HDAC11: variants seen among roughly 807,000 people sequenced by gnomAD.
HDAC11 encodes the protein histone deacetylase 11.
In HDAC11, 23 loss-of-function variants were observed where a neutral mutation model predicts 41.1. The ratio of observed to expected loss-of-function variants is 0.56; its 90% CI spans 0.40 to 0.79. The LOEUF (loss-of-function observed/expected upper bound fraction) is 0.79. Ranked by LOEUF, HDAC11 falls within the 30% of genes least tolerant of loss-of-function variation. HDAC11 has a pLI of 0.00. For synonymous variants in HDAC11, 187 were observed against 186.6 expected, an observed-to-expected ratio of 1.00 and a Z score of -0.02; for missense variants, 402 against 477.3, an observed-to-expected ratio of 0.84 and a Z score of 1.47.
Position 13,504,545 on chromosome 3 carries a change from C to G in HDAC11, c.906C>G (p.Gly302=). Reference sequence around the variant, plus strand: ...TGCCCATCCTTATGGTGACCTCAGGCGGGTACCAGAAGCGCACAGCCCGCA... The same window carrying G: ...TGCCCATCCTTATGGTGACCTCAGGGGGGTACCAGAAGCGCACAGCCCGCA... The part of the protein sequence containing the change: ...RRVPILMVTS[G]GYQKRTARII... Residue 302 remains glycine, a synonymous_variant, in exon 10 of 10, where the codon GGC becomes GGG. Transcript: ENST00000295757. The G allele has an allele frequency of 6.2e-7, 1 of 1,613,536 alleles. No individual in the cohort carries two copies. The highest frequency in any genetic ancestry group is 2.2e-5 in the East Asian group (1 of 44,876).
chr3:13,503,193 A>C, intron 8 of HDAC11: 1 of 374,060 alleles, frequency 2.7e-6, no homozygotes, highest in Non-Finnish European at 4.8e-6. Flanking sequence ...ATAAACATGC[A>C]TTTGTCTGGC....
chr3:13,495,658 A>G (rs1702064132), intron 3 of HDAC11, among the ~76,000 whole-genome samples: 1 of 152,140 alleles, frequency 6.6e-6, no homozygotes, highest in South Asian at 2.1e-4. Context: ...TGCCCTGACG[A>G]CAATGTGTGA....
At chr3:13,488,278 T>C (rs1701687466) in intron 3 of HDAC11, among the ~76,000 whole-genome samples, 1 of 152,180 alleles carries the variant, frequency 6.6e-6, no homozygotes, top group Admixed American at 6.5e-5. Context: ...AAAATTTACA[T>C]AACAAAATTC....
At chr3:13,500,306 T>C (rs1702297046) in intron 5 of HDAC11, among the ~76,000 whole-genome samples, 1 of 152,036 alleles carries the variant, frequency 6.6e-6, no homozygotes, top group African/African-American at 2.4e-5. Context: ...TAGGCAGTCA[T>C]GACCAGCAGA....
chr3:13,483,986 C>T (rs778223845), intron 3 of HDAC11, among the ~76,000 whole-genome samples: 2 of 152,110 alleles, frequency 1.3e-5, no homozygotes, highest in African/African-American at 2.4e-5. Flanking sequence ...GAAATGGAGT[C>T]TCACTCTGTC....
rs977872156 is a variant in HDAC11, at chr3:13,506,132, A to T, written c.*1449A>T. ...CGAGGCTCTAACAATGCACTCTGAGATCCCTACCCTTGCCGTTGGTCTCTG... is the reference window on the plus strand; with the variant it reads ...CGAGGCTCTAACAATGCACTCTGAGTTCCCTACCCTTGCCGTTGGTCTCTG... On this transcript the variant is annotated 3_prime_UTR_variant, in exon 10 of 10. Transcript: ENST00000295757. The T allele has an allele frequency of 2.0e-5, 3 of 152,160 alleles. No individual in the cohort carries two copies. The highest frequency in any genetic ancestry group is 7.2e-5 in the African/African-American group (3 of 41,424). The allele number at this position is 152,160 out of a possible 1,614,324, so 9.4% of individuals were successfully genotyped here. A position where few individuals can be genotyped will look rare whatever the true frequency, so the allele number is the denominator to read the frequency against.
intron 3 of HDAC11, among the ~76,000 whole-genome samples, chr3:13,492,934 T>A (rs184681952): frequency 6.6e-6 from 1 of 152,128 alleles, no homozygotes; most frequent in Admixed American, 6.5e-5. Flanking sequence ...GTTTTATAGA[T>A]GAGACAGAGG....
Position 13,480,776 on chromosome 3 carries a change from TG to T in HDAC11, c.2+430del. On this transcript the variant is annotated intron_variant, in intron 1 of 9. Coordinates refer to ENST00000295757, the MANE Select transcript of HDAC11 (RefSeq NM_024827.4). The surrounding 1 kb of genome is among the most constrained non-coding windows in gnomAD (Gnocchi z 4.6). The stretch of plus-strand genomic sequence containing the variant: ...CCCCGCCCCCCGCCCTGGCTCAGGT[TG>T]GGTCCCGACTTGGGTTTCTGAGTGC... The T allele has an allele frequency of 2.2e-6, 1 of 458,808 alleles. No individual in the cohort carries two copies. The allele number at this position is 458,808 out of a possible 1,614,324, so 28.4% of individuals were successfully genotyped here. A position where few individuals can be genotyped will look rare whatever the true frequency, so the allele number is the denominator to read the frequency against.
intron 5 of HDAC11, among the ~76,000 whole-genome samples, chr3:13,500,343 G>T (rs536032193): frequency 8.1e-4 from 124 of 152,234 alleles, no homozygotes; most frequent in Non-Finnish European, 1.1e-3. Flanking sequence ...CACCCGCTTT[G>T]GCCACTGGCA....
intron 3 of HDAC11, among the ~76,000 whole-genome samples, chr3:13,492,658 C>G (rs2125005441): frequency 6.6e-6 from 1 of 152,294 alleles, no homozygotes; most frequent in South Asian, 2.1e-4. Context: ...GATTCTCCTC[C>G]CTCGCCTCCT....
In HDAC11 at chr3:13,504,517, G is replaced by A. The variant is rs758410335; in HGVS notation, c.878G>A (p.Arg293Gln). 1.4e-5 allele frequency: 23 copies of A among 1,613,494 alleles called. No homozygotes were observed. The highest frequency in any genetic ancestry group is 1.6e-4 in the Middle Eastern group (1 of 6,062). The change falls in exon 10 of 10, where the codon CGG (arginine) becomes CAG (glutamine). Residue 293 changes from arginine (R) to glutamine (Q), a missense_variant. Arg to Gln is a conservative substitution (Grantham distance 43). Transcript: ENST00000295757. The stretch of plus-strand genomic sequence containing the variant: ...GTGTTCCGGATGGTCCGTGGCCGCC[G>A]GGTGCCCATCCTTATGGTGACCTCA... ...ELVFRMVRGR[R>Q]VPILMVTSGG... is the part of the protein sequence containing the mutation.
rs773914525 is a variant in HDAC11 at position 13,504,105 on chromosome 3, C to T, written c.661C>T (p.Arg221Trp). The part of the protein sequence containing the change: ...GDRFAKQAIR[R>W]KVELEWGTED... ...TGTCTCTCTCCCAGAGGCCATCAGGCGGAAGGTGGAGCTGGAGTGGGGCAC... is the reference window on the plus strand; with the variant it reads ...TGTCTCTCTCCCAGAGGCCATCAGGTGGAAGGTGGAGCTGGAGTGGGGCAC... The change falls in exon 9 of 10, where the codon CGG becomes TGG. Residue 221 changes from arginine to tryptophan, a missense_variant. Physicochemically the swap from Arg to Trp is moderately radical, Grantham distance 101. Coordinates refer to ENST00000295757, the MANE Select transcript of HDAC11 (RefSeq NM_024827.4). 100 of 1,613,780 alleles carry T rather than the reference C, an allele frequency of 6.2e-5. No homozygotes were observed. Among genetic ancestry groups the T allele is most frequent in the Middle Eastern group, 1.6e-4 (1 of 6,082 alleles).
At chr3:13,495,341 C>T (rs1702047307) in intron 3 of HDAC11, among the ~76,000 whole-genome samples, 1 of 152,148 alleles carries the variant, frequency 6.6e-6, no homozygotes, top group African/African-American at 2.4e-5. Flanking sequence ...TAAACCTCAG[C>T]TGTCTCACCT....
intron 2 of HDAC11, among the ~76,000 whole-genome samples, chr3:13,481,964 C>A (rs534030761): frequency 6.6e-6 from 1 of 152,182 alleles, no homozygotes. Flanking sequence ...CCACCACACC[C>A]GGCCCTGATT....
At chr3:13,501,716 G>C in intron 6 of HDAC11, 155 bp from the exon 7 acceptor site, 2 of 741,338 alleles carry the variant, frequency 2.7e-6, no homozygotes, top group South Asian at 2.9e-5. Flanking sequence ...GAGCTGCACA[G>C]CTCTCCCTGG....
chr3:13,483,472 C>G lies in HDAC11; in HGVS notation c.160C>G (p.Leu54Val). Residue 54 changes from leucine to valine, a missense_variant, in exon 3 of 10, where the codon CTT (leucine) becomes GTT (valine). By Grantham distance (32) the Leu-to-Val change is conservative (BLOSUM62 1). Coordinates refer to ENST00000295757, the MANE Select transcript of HDAC11 (RefSeq NM_024827.4). Reference protein sequence around the residue: ...KVINFLKEEKLLSDSMLVEAR... With the variant: ...KVINFLKEEKVLSDSMLVEAR... ...TCCCTCTGTGGTTTCAGAAGAGAAGCTTCTGTCTGACAGCATGCTGGTGGA... is the reference window on the plus strand; with the variant it reads ...TCCCTCTGTGGTTTCAGAAGAGAAGGTTCTGTCTGACAGCATGCTGGTGGA... The G allele has an allele frequency of 1.9e-6, 3 of 1,613,952 alleles. No homozygotes were observed. The highest frequency in any genetic ancestry group is 1.7e-6 in the Non-Finnish European group (2 of 1,179,850).
At chr3:13,483,340 C>T in intron 2 of HDAC11, 124 bp from the exon 3 acceptor site, 1 of 734,800 alleles carries the variant, frequency 1.4e-6, no homozygotes, top group African/African-American at 1.7e-5. Flanking sequence ...CACAAGCCAG[C>T]AGTGCCTACC....
intron 3 of HDAC11, among the ~76,000 whole-genome samples, chr3:13,492,005 G>T (rs1283708893): frequency 3.3e-5 from 5 of 152,284 alleles, no homozygotes; most frequent in South Asian, 2.1e-4. Context: ...ACATTCTCAA[G>T]TGTTGTGGAT....
chr3:13,504,416 T>C, intron 9 of HDAC11, 52 bp from the exon 10 acceptor site: 2 of 1,602,314 alleles, frequency 1.2e-6, no homozygotes, highest in Non-Finnish European at 1.7e-6. Flanking sequence ...CAGGACTTCC[T>C]GACACCATGG....
Sources: allele counts gnomAD v4.1 joint callset (sites outside exome capture counted in the v4.1 genomes callset), GRCh38; gene constraint gnomAD v4.1.1; non-coding constraint Gnocchi (gnomAD v3.1); transcripts MANE v1.5; gene names NCBI Gene and HGNC (gene_info 2026-07-23, HGNC 2026-07-21).